The following TGFBR3 variants were observed in gnomAD, a reference collection of about 807,000 sequenced individuals.
TGFBR3 encodes the protein transforming growth factor beta receptor type 3.
TGFBR3 carries 46 observed loss-of-function variants against 87.9 expected under a neutral mutation model. That is an observed-to-expected ratio of 0.52 (90% CI 0.41 to 0.67). The LOEUF is 0.67. Among genes scored for constraint, TGFBR3 ranks in the 30% least tolerant of loss-of-function variants. The probability of loss-of-function intolerance (pLI) is 0.00; values close to 1 mark genes in which losing one functional copy is unlikely to be tolerated. For missense variants in TGFBR3, 866 were observed against 1,041.9 expected (o/e 0.83, Z 2.32); for synonymous variants, 381 against 391.6 (o/e 0.97, Z 0.32).
chr1:91,872,716 C>T (rs1678628999), intron 1 of TGFBR3, among the ~76,000 whole-genome samples: 1 of 152,190 alleles, frequency 6.6e-6, no homozygotes, highest in Non-Finnish European at 1.5e-5. Flanking sequence ...GTTGTGTTTG[C>T]TTTTCATCTT....
chr1:91,804,866 A>T (rs952313460), intron 2 of TGFBR3, among the ~76,000 whole-genome samples: 1 of 152,210 alleles, frequency 6.6e-6, no homozygotes, highest in Non-Finnish European at 1.5e-5. Context: ...TCTTCCCTGC[A>T]GTCAAGAGCC....
At position 91,875,792 on chromosome 1, in the gene TGFBR3, G is replaced by A. The variant is rs983278998; in HGVS notation, c.-114+10086C>T. ...AATCCCAGCTACTCGGGCGGGGGGG[G>A]GGGGTGGGAGTGTGCAGCTGAGGGA... is the stretch of plus-strand genomic sequence containing the variant. On this transcript the variant is annotated intron_variant, in intron 1 of 16. Coordinates refer to ENST00000212355, the MANE Select transcript of TGFBR3 (RefSeq NM_003243.5). Among the ~76,000 whole-genome samples, 5 of 57,800 alleles carry A rather than the reference G, an allele frequency of 8.7e-5. 1 individual carries two copies. The highest frequency in any genetic ancestry group is 2.0e-4 in the Non-Finnish European group (5 of 24,454). The allele number at this position is 57,800 out of a possible 152,430, so 37.9% of individuals were successfully genotyped here.
At chr1:91,768,884 C>T (rs956337358) in intron 3 of TGFBR3, among the ~76,000 whole-genome samples, 1 of 151,990 alleles carries the variant, frequency 6.6e-6, no homozygotes, top group Non-Finnish European at 1.5e-5. Flanking sequence ...CATTTTAAAG[C>T]ATAATTTCAT....
At chr1:91,804,043 A>G (rs1390813704) in intron 2 of TGFBR3, among the ~76,000 whole-genome samples, 4 of 152,260 alleles carry the variant, frequency 2.6e-5, no homozygotes, top group Non-Finnish European at 4.4e-5. Flanking sequence ...ACACTCAATT[A>G]TCGCTGAGAA....
chr1:91,821,208 T>C (rs1188691484), intron 2 of TGFBR3, among the ~76,000 whole-genome samples: 1 of 151,504 alleles, frequency 6.6e-6, no homozygotes, highest in Non-Finnish European at 1.5e-5. Flanking sequence ...CACACGCCTA[T>C]AATCCCAGCT....
At chr1:91,821,049 G>A (rs1206014180) in intron 2 of TGFBR3, among the ~76,000 whole-genome samples, 1 of 151,806 alleles carries the variant, frequency 6.6e-6, no homozygotes, top group African/African-American at 2.4e-5. Flanking sequence ...TAATAGTAAT[G>A]GCCGGGCACA....
intron 2 of TGFBR3, among the ~76,000 whole-genome samples, chr1:91,825,610 T>C (rs1280392873): frequency 1.3e-5 from 2 of 152,214 alleles, no homozygotes; most frequent in African/African-American, 4.8e-5. Flanking sequence ...TTGTACACTT[T>C]AAAGAGGTGA....
At chr1:91,897,123 T>C (rs1405459002) in intron 2 of TGFBR3, among the ~76,000 whole-genome samples, 2 of 152,230 alleles carry the variant, frequency 1.3e-5, no homozygotes, top group African/African-American at 4.8e-5. Context: ...CTATATGTTT[T>C]ACTAACTGGC....
chr1:91,688,922 G>A (rs1671182646), intron 16 of TGFBR3, among the ~76,000 whole-genome samples: 2 of 152,082 alleles, frequency 1.3e-5, no homozygotes, highest in African/African-American at 4.8e-5. Context: ...AAGAGACCAA[G>A]TCCCAGGGAT....
chr1:91,861,275 C>G (rs961200133), intron 2 of TGFBR3, among the ~76,000 whole-genome samples, 196 bp downstream of exon 2: 32 of 151,800 alleles, frequency 2.1e-4, no homozygotes, highest in African/African-American at 7.2e-4. Flanking sequence ...TGGCACACGC[C>G]TGTAGTCCCA....
At chr1:91,799,520 A>G (rs1243558432) in intron 2 of TGFBR3, among the ~76,000 whole-genome samples, 1 of 152,234 alleles carries the variant, frequency 6.6e-6, no homozygotes, top group Non-Finnish European at 1.5e-5. Context: ...CAGAGCTTCA[A>G]GAAATTATCC....
intron 2 of TGFBR3, among the ~76,000 whole-genome samples, chr1:91,814,571 A>C (rs1407797450): frequency 6.6e-6 from 1 of 152,194 alleles, no homozygotes; most frequent in African/African-American, 2.4e-5. Context: ...ACTGACAACC[A>C]CAAGACAAAT....
intron 2 of TGFBR3, among the ~76,000 whole-genome samples, chr1:91,812,594 T>C (rs1408077548): frequency 1.3e-5 from 2 of 152,164 alleles, no homozygotes; most frequent in Non-Finnish European, 2.9e-5. Context: ...AATGGTCCCA[T>C]ATTTCTGTGC....
intron 2 of TGFBR3, among the ~76,000 whole-genome samples, chr1:91,853,057 T>A (rs2634029): frequency 0.12 from 18,442 of 149,816 alleles, 1,470 homozygotes; most frequent in East Asian, 0.4. Context: ...TACTTGGGGG[T>A]CTGTGGGGGG....
At chr1:91,784,876 C>G (rs1465055514) in intron 3 of TGFBR3, among the ~76,000 whole-genome samples, 2 of 152,180 alleles carry the variant, frequency 1.3e-5, no homozygotes, top group Non-Finnish European at 2.9e-5. Context: ...TCAGCCCCAG[C>G]CTACCCCCTT....
At chr1:91,786,054 A>G (rs1024007097) in intron 3 of TGFBR3, 8 of 369,574 alleles carry the variant, frequency 2.2e-5, no homozygotes, top group African/African-American at 1.7e-4. Flanking sequence ...GTGAGCCACC[A>G]CAGCTGGCCT....
rs1239282464 is a variant in TGFBR3, at chr1:91,683,477, G to C, written c.*262C>G. ...ATTGAAAACCCCCAAGCCTGTGAGG[G>C]GCTGGTGGAGAAGACCACCATTTTA... On this transcript the variant is annotated 3_prime_UTR_variant, in exon 17 of 17. Coordinates refer to ENST00000212355, the MANE Select transcript of TGFBR3 (RefSeq NM_003243.5). 2 of 667,102 alleles carry C rather than the reference G, an allele frequency of 3.0e-6. No individual in the cohort carries two copies. The highest frequency in any genetic ancestry group is 5.5e-6 in the Non-Finnish European group (2 of 364,228). 41.3% of individuals were successfully genotyped at this position (667,102 alleles called of 1,614,324 possible). A position where few individuals can be genotyped will look rare whatever the true frequency, so the allele number is the denominator to read the frequency against.
At chr1:91,880,620 A>T (rs557485916) in intron 1 of TGFBR3, among the ~76,000 whole-genome samples, 59 of 152,140 alleles carry the variant, frequency 3.9e-4, no homozygotes, top group African/African-American at 1.4e-3. Context: ...AATAAAAATA[A>T]AAATATAAGA....
intron 16 of TGFBR3, 56 bp from the exon 17 acceptor site, chr1:91,683,913 A>G: frequency 6.9e-7 from 1 of 1,449,800 alleles, no homozygotes. Flanking sequence ...ATGTATGTGC[A>G]TTCCTGAAAA....
Sources: gnomAD v4.1 joint callset for allele counts (sites outside exome capture counted in the v4.1 genomes callset) on GRCh38, gnomAD v4.1.1 for gene constraint, MANE v1.5 for transcripts, NCBI Gene and HGNC (gene_info 2026-07-23, HGNC 2026-07-21) for gene names.